The following KSR2 variants were observed in gnomAD, a reference collection of about 807,000 sequenced individuals.
KSR2 encodes kinase suppressor of ras 2.
Under a neutral mutation model 107.8 loss-of-function variants are expected in KSR2, and 25 were observed. The ratio of observed to expected loss-of-function variants is 0.23; its 90% CI spans 0.17 to 0.32. KSR2 has a LOEUF of 0.32. KSR2 is among the 10% of genes least tolerant of loss of function. The pLI, the probability that KSR2 is intolerant of heterozygous loss-of-function variation, is 1.00. For synonymous variants in KSR2, 480 were observed against 507.0 expected (o/e 0.95, Z 0.71); for missense variants, 887 against 1,268.9 (o/e 0.70, Z 4.57).
At chr12:117,761,750 T>C (rs1889036720) in intron 3 of KSR2, among the ~76,000 whole-genome samples, 1 of 152,190 alleles carries the variant, frequency 6.6e-6, no homozygotes, top group African/African-American at 2.4e-5. Flanking sequence ...TGTTACACTA[T>C]ATACCTGTTA....
chr12:117,700,936 A>T (rs1380479785), intron 4 of KSR2, among the ~76,000 whole-genome samples: 1 of 152,170 alleles, frequency 6.6e-6, no homozygotes, highest in Non-Finnish European at 1.5e-5. Flanking sequence ...TCCATTTCTC[A>T]ACATTACCCC....
intron 5 of KSR2, among the ~76,000 whole-genome samples, chr12:117,624,314 G>A (rs996946004): frequency 2.6e-5 from 4 of 152,190 alleles, no homozygotes; most frequent in Non-Finnish European, 4.4e-5. Context: ...CCTATGTCCT[G>A]AATGTATTGC....
chr12:117,840,168 G>A (rs1408522676), intron 3 of KSR2, among the ~76,000 whole-genome samples: 1 of 151,444 alleles, frequency 6.6e-6, no homozygotes, highest in Non-Finnish European at 1.5e-5. Context: ...CGCAATCTTG[G>A]CTGTCTGCAG....
At chr12:117,491,321 A>G (rs1872731559) in intron 14 of KSR2, among the ~76,000 whole-genome samples, 1 of 152,210 alleles carries the variant, frequency 6.6e-6, no homozygotes, top group East Asian at 1.9e-4. Flanking sequence ...CTGGGATTAC[A>G]GGTGCCTACC....
intron 1 of KSR2, among the ~76,000 whole-genome samples, chr12:117,927,261 A>G (rs1277067718): frequency 1.3e-5 from 2 of 151,922 alleles, no homozygotes; most frequent in Non-Finnish European, 2.9e-5. Context: ...CTGTAAACCC[A>G]GCTACTCGGG....
At chr12:117,884,861 C>T (rs1443423883) in intron 1 of KSR2, among the ~76,000 whole-genome samples, 4 of 152,156 alleles carry the variant, frequency 2.6e-5, no homozygotes, top group African/African-American at 9.7e-5. Context: ...ACCATCTGCT[C>T]CGTTCCTCTT....
At chr12:117,947,414 A>C (rs1005044020) in intron 1 of KSR2, among the ~76,000 whole-genome samples, 3 of 152,084 alleles carry the variant, frequency 2.0e-5, no homozygotes, top group Non-Finnish European at 4.4e-5. Context: ...CAAACAAAAA[A>C]CAAAACAAAA....
intron 5 of KSR2, among the ~76,000 whole-genome samples, chr12:117,585,024 G>A (rs190390614): frequency 6.6e-6 from 1 of 152,344 alleles, no homozygotes; most frequent in African/African-American, 2.4e-5. Flanking sequence ...GGCAATGTCT[G>A]GGGACATTTT....
chr12:117,871,139 G>C (rs1245143275), intron 1 of KSR2, among the ~76,000 whole-genome samples: 1 of 152,184 alleles, frequency 6.6e-6, no homozygotes, highest in Non-Finnish European at 1.5e-5. Flanking sequence ...CACAACGCTG[G>C]AGGAATGTGA....
intron 9 of KSR2, among the ~76,000 whole-genome samples, chr12:117,545,031 C>T (rs924856825): frequency 3.9e-5 from 6 of 152,052 alleles, no homozygotes; most frequent in East Asian, 1.9e-4. Context: ...TCTTTTATCA[C>T]GAATGGTTTT....
In KSR2 at chr12:117,466,901, C is replaced by G. The variant is rs978122897; in HGVS notation, c.*298G>C. On this transcript the variant is annotated 3_prime_UTR_variant, in exon 20 of 20. Transcript: ENST00000339824. ...TCCTAGTCCCATAGCCCAAAGGCAC[C>G]ACGTGCAGCCTGCAGTGCTCTCATT... 2.8e-6 allele frequency: 1 copy of G among 359,664 alleles called. No individual in the cohort carries two copies. The highest frequency in any genetic ancestry group is 5.0e-6 in the Non-Finnish European group (1 of 201,434). 22.3% of individuals were successfully genotyped at this position (359,664 alleles called of 1,614,324 possible).
chr12:117,731,533 G>A (rs1024410247), intron 4 of KSR2, among the ~76,000 whole-genome samples: 9 of 152,246 alleles, frequency 5.9e-5, no homozygotes, highest in African/African-American at 2.2e-4. Context: ...CGTCTGGGAG[G>A]GGTACCCAAC....
intron 14 of KSR2, among the ~76,000 whole-genome samples, chr12:117,515,133 T>C (rs901086175): frequency 3.9e-5 from 6 of 152,166 alleles, no homozygotes; most frequent in Admixed American, 3.9e-4. Flanking sequence ...CGGGCAGACA[T>C]CATGCCTTCC....
chr12:117,787,834 G>C (rs545338833), intron 3 of KSR2, among the ~76,000 whole-genome samples: 4 of 152,200 alleles, frequency 2.6e-5, no homozygotes, highest in Non-Finnish European at 4.4e-5. Flanking sequence ...ACTGCCATCT[G>C]TCTCAGATAG....
intron 4 of KSR2, among the ~76,000 whole-genome samples, chr12:117,687,814 G>A (rs1334978706): frequency 2.0e-5 from 3 of 151,908 alleles, no homozygotes; most frequent in Admixed American, 1.3e-4. Context: ...GACACACGAT[G>A]GAAAAAAATA....
At chr12:117,960,292 A>G (rs1168033751) in intron 1 of KSR2, among the ~76,000 whole-genome samples, 1 of 152,048 alleles carries the variant, frequency 6.6e-6, no homozygotes, top group African/African-American at 2.4e-5. Flanking sequence ...GTGACATTAG[A>G]TTGTTCATTA....
intron 4 of KSR2, among the ~76,000 whole-genome samples, chr12:117,755,653 C>A (rs1228058014): frequency 6.6e-6 from 1 of 152,156 alleles, no homozygotes; most frequent in African/African-American, 2.4e-5. Context: ...AATAACCCAA[C>A]AATAGCCTCT....
At chr12:117,598,396 T>C (rs976360112) in intron 5 of KSR2, among the ~76,000 whole-genome samples, 1 of 152,236 alleles carries the variant, frequency 6.6e-6, no homozygotes, top group African/African-American at 2.4e-5. Context: ...TTGATGGGCA[T>C]TTGGCTTGGT....
Position 117,847,694 on chromosome 12 carries a change from T to G in KSR2, c.472+7734A>C, listed in dbSNP as rs1281312027. On this transcript the variant is annotated intron_variant, in intron 3 of 19. Coordinates refer to ENST00000339824, the MANE Select transcript of KSR2 (RefSeq NM_173598.6). The stretch of plus-strand genomic sequence containing the variant: ...CCTTGCCATGGCCCACCGTGGGGGC[T>G]GGCCCTGCCCACCTGTCTGGCTCCA... 4.6e-5 allele frequency among the ~76,000 whole-genome samples: 7 copies of G among 152,354 alleles called. No homozygotes were observed. The East Asian group carries it at 1.4e-3, about 29-fold the overall frequency.
Sources: gnomAD v4.1 joint callset for allele counts (sites outside exome capture counted in the v4.1 genomes callset) on GRCh38, gnomAD v4.1.1 for gene constraint, MANE v1.5 for transcripts, NCBI Gene and HGNC (gene_info 2026-07-23, HGNC 2026-07-21) for gene names.